GRM7: variants seen among roughly 807,000 people sequenced by gnomAD.
The protein encoded by GRM7 is metabotropic glutamate receptor 7.
A neutral mutation model predicts 84.5 loss-of-function variants in GRM7; 35 were observed. That is an observed-to-expected ratio of 0.41 (90% confidence interval 0.32 to 0.55). GRM7 has a LOEUF of 0.55. GRM7 is among the 20% of genes least tolerant of loss of function. GRM7 has a pLI of 0.19. For missense variants in GRM7, 1,003 were observed against 1,194.6 expected (o/e 0.84, Z 2.36); for synonymous variants, 487 against 455.1 (o/e 1.07, Z -0.89).
intron 1 of GRM7, among the ~76,000 whole-genome samples, chr3:6,960,812 T>C (rs1398956127): frequency 2.6e-5 from 4 of 152,148 alleles, no homozygotes; most frequent in Non-Finnish European, 5.9e-5. Flanking sequence ...CTACCTATGG[T>C]GGGGCCTGGG....
chr3:7,572,208 G>T (rs948529505), intron 7 of GRM7, among the ~76,000 whole-genome samples: 1 of 152,158 alleles, frequency 6.6e-6, no homozygotes, highest in Non-Finnish European at 1.5e-5. Context: ...GCCTTTTGGA[G>T]ATCTTAGTTC....
rs1476221524 is a variant in GRM7 at position 7,331,738 on chromosome 3, A to G, written c.1033+25086A>G. ...TTGTGCTTAATACTTGTTGTATGGC[A>G]TAAAAGCAGTCTCTTTTCTGCGGAG... On this transcript the variant is annotated intron_variant, in intron 4 of 9. Coordinates refer to ENST00000357716, the MANE Select transcript of GRM7 (RefSeq NM_000844.4). Among the ~76,000 whole-genome samples, 3 of 152,202 alleles carry G rather than the reference A, an allele frequency of 2.0e-5. No individual in the cohort carries two copies. The East Asian group carries it at 5.8e-4, about 29-fold the overall frequency.
intron 2 of GRM7, among the ~76,000 whole-genome samples, chr3:7,217,756 A>T (rs1219613375): frequency 6.6e-6 from 1 of 150,514 alleles, no homozygotes; most frequent in African/African-American, 2.4e-5. Flanking sequence ...ACATTTTAAA[A>T]TTCTTACACT....
At chr3:7,387,166 T>A (rs1361141074) in intron 4 of GRM7, among the ~76,000 whole-genome samples, 1 of 152,224 alleles carries the variant, frequency 6.6e-6, no homozygotes, top group Non-Finnish European at 1.5e-5. Context: ...TTATTTAAGT[T>A]CCTCATACAT....
intron 2 of GRM7, among the ~76,000 whole-genome samples, chr3:7,250,818 C>G (rs978769309): frequency 1.3e-5 from 2 of 152,168 alleles, no homozygotes; most frequent in African/African-American, 4.8e-5. Context: ...GCCACCGCAT[C>G]AAGCCAATAT....
chr3:7,189,194 A>G (rs73126227), intron 2 of GRM7, among the ~76,000 whole-genome samples: 8,764 of 152,248 alleles, frequency 0.058, 692 homozygotes, highest in African/African-American at 0.18. Context: ...ATGTATCTCA[A>G]TATATCCTGT....
intron 1 of GRM7, among the ~76,000 whole-genome samples, chr3:7,065,540 T>C (rs996569636): frequency 6.6e-6 from 1 of 151,950 alleles, no homozygotes; most frequent in Non-Finnish European, 1.5e-5. Flanking sequence ...TTCTCTTCCA[T>C]TGGTCTATGT....
rs1224210734 is a variant in GRM7, at chr3:7,221,644, G to GA, written c.736+74976_736+74977insA. On this transcript the variant is annotated intron_variant, in intron 2 of 9. Coordinates refer to ENST00000357716, the MANE Select transcript of GRM7 (RefSeq NM_000844.4). ...TTTTTTATACTTCTTTTCATTTATT[G>GA]TCTCTACTGATATATTAATTTTAAA... Among the ~76,000 whole-genome samples, 12 of 151,098 alleles carry GA rather than the reference G, an allele frequency of 7.9e-5. No individual in the cohort carries two copies. The East Asian group carries it at 2.3e-3, about 29-fold the overall frequency.
intron 1 of GRM7, among the ~76,000 whole-genome samples, chr3:6,940,075 G>A (rs746736427): frequency 2.0e-5 from 3 of 151,968 alleles, no homozygotes; most frequent in Admixed American, 1.3e-4. Flanking sequence ...CTTTTGAAAC[G>A]TTTTTAATTT....
intron 1 of GRM7, among the ~76,000 whole-genome samples, chr3:7,068,690 T>G (rs1412791916): frequency 6.6e-6 from 1 of 152,046 alleles, no homozygotes. Context: ...AATCCTAGTT[T>G]TCTCCTGAAC....
intron 2 of GRM7, among the ~76,000 whole-genome samples, chr3:7,205,069 G>A (rs1223610828): frequency 2.0e-5 from 3 of 152,136 alleles, no homozygotes; most frequent in Non-Finnish European, 4.4e-5. Context: ...CTGTACATTG[G>A]GATTGAAGCA....
chr3:7,473,390 C>G (rs1698781419), intron 7 of GRM7, among the ~76,000 whole-genome samples: 1 of 151,728 alleles, frequency 6.6e-6, no homozygotes, highest in Non-Finnish European at 1.5e-5. Context: ...GCAGGAAGAT[C>G]CTTTGAGCCC....
At chr3:7,645,403 T>C (rs905159458) in intron 8 of GRM7, among the ~76,000 whole-genome samples, 15 of 151,424 alleles carry the variant, frequency 9.9e-5, no homozygotes, top group Non-Finnish European at 1.5e-4. Context: ...AAAAATTAGC[T>C]GGGTGTGGTG....
intron 4 of GRM7, among the ~76,000 whole-genome samples, chr3:7,312,508 C>T (rs1467753596): frequency 6.6e-6 from 1 of 152,128 alleles, no homozygotes; most frequent in African/African-American, 2.4e-5. Flanking sequence ...TCCATTTATT[C>T]CTGCAGACTG....
chr3:6,864,530 G>C (rs1230142331), intron 1 of GRM7, among the ~76,000 whole-genome samples: 2 of 152,156 alleles, frequency 1.3e-5, no homozygotes, highest in East Asian at 3.9e-4. Flanking sequence ...TCTTGTCGGG[G>C]ATTTCTAGGT....
chr3:7,687,170 T>C (rs1159361544), intron 9 of GRM7, among the ~76,000 whole-genome samples: 1 of 152,172 alleles, frequency 6.6e-6, no homozygotes, highest in East Asian at 1.9e-4. Context: ...GTTTGAACAT[T>C]GGTTATACCC....
intron 1 of GRM7, among the ~76,000 whole-genome samples, chr3:6,906,153 C>G (rs75989204): frequency 2.0e-5 from 3 of 152,152 alleles, no homozygotes; most frequent in Non-Finnish European, 4.4e-5. Flanking sequence ...TGTCAGATGA[C>G]GCCTCACTTA....
chr3:6,937,249 A>G (rs1220964306), intron 1 of GRM7, among the ~76,000 whole-genome samples: 1 of 152,232 alleles, frequency 6.6e-6, no homozygotes, highest in Non-Finnish European at 1.5e-5. Context: ...GTGTTTTACA[A>G]TTGGGAATTC....
At chr3:6,967,474 C>T (rs1180936900) in intron 1 of GRM7, among the ~76,000 whole-genome samples, 1 of 152,168 alleles carries the variant, frequency 6.6e-6, no homozygotes, top group Non-Finnish European at 1.5e-5. Context: ...GGATTACAGG[C>T]GTGAGCCACC....
Sources: gnomAD v4.1 joint callset for allele counts (sites outside exome capture counted in the v4.1 genomes callset) on GRCh38, gnomAD v4.1.1 for gene constraint, MANE v1.5 for transcripts, NCBI Gene and HGNC (gene_info 2026-07-23, HGNC 2026-07-21) for gene names.